The following DENND2B variants were observed in gnomAD, a reference collection of about 807,000 sequenced individuals.
DENND2B encodes DENN domain containing 2B.
In DENND2B, 32 loss-of-function variants were observed where a neutral mutation model predicts 116.0. The ratio of observed to expected loss-of-function variants is 0.28; its 90% CI spans 0.21 to 0.37. The LOEUF (loss-of-function observed/expected upper bound fraction) is 0.37. Among genes scored for constraint, DENND2B ranks in the 10% least tolerant of loss-of-function variants. The pLI is 1.00. For synonymous variants in DENND2B, 588 were observed against 583.9 expected (o/e 1.01, Z -0.10); for missense variants, 1,276 against 1,477.7 (o/e 0.86, Z 2.24).
At chr11:8,749,948 G>C (rs1211973177) in intron 2 of DENND2B, among the ~76,000 whole-genome samples, 1 of 152,196 alleles carries the variant, frequency 6.6e-6, no homozygotes, top group Non-Finnish European at 1.5e-5. Context: ...TGGAAGCTTT[G>C]ATCTCATCCT....
upstream of DENND2B, among the ~76,000 whole-genome samples, chr11:8,874,405 G>A (rs781504358): frequency 6.6e-6 from 1 of 152,202 alleles, no homozygotes; most frequent in Non-Finnish European, 1.5e-5. Context: ...TCACAAAGAT[G>A]AGCTTTACTT....
intron 2 of DENND2B, among the ~76,000 whole-genome samples, chr11:8,858,749 C>G (rs117507183): frequency 6.6e-6 from 1 of 152,162 alleles, no homozygotes; most frequent in Admixed American, 6.5e-5. Context: ...CTGAACCAGT[C>G]GAGGGCTTGG....
intron 2 of DENND2B, among the ~76,000 whole-genome samples, chr11:8,738,069 T>C (rs958155113): frequency 1.3e-5 from 2 of 152,132 alleles, no homozygotes; most frequent in African/African-American, 4.8e-5. Context: ...ATTGGAATGA[T>C]CCAGTAGAGA....
chr11:8,883,861 A>G (rs573507151), intron 1 of DENND2B, among the ~76,000 whole-genome samples: 16 of 152,360 alleles, frequency 1.1e-4, no homozygotes, highest in African/African-American at 3.6e-4. Context: ...CAAACTTTAG[A>G]TTAATAGAAA....
At chr11:8,853,510 T>C (rs1566053603) in intron 3 of DENND2B, among the ~76,000 whole-genome samples, 1 of 152,202 alleles carries the variant, frequency 6.6e-6, no homozygotes, top group South Asian at 2.1e-4. Flanking sequence ...GTTCCAGAAC[T>C]GTGAGCAATA....
chr11:8,798,096 C>A (rs1336390109), intron 1 of DENND2B, among the ~76,000 whole-genome samples: 3 of 152,162 alleles, frequency 2.0e-5, no homozygotes, highest in Non-Finnish European at 4.4e-5. Flanking sequence ...CCATTATATC[C>A]TTCCGAGCTC....
rs33975736 is a variant in DENND2B at position 8,698,137 on chromosome 11, C to CAAAAAAAAAA, written c.2941-511_2941-502dup. 3.3e-3 allele frequency among the ~76,000 whole-genome samples: 132 copies of CAAAAAAAAAA among 39,800 alleles called. 11 individuals carry two copies. The highest frequency in any genetic ancestry group is 5.4e-3 in the Non-Finnish European group (110 of 20,520). The allele number at this position is 39,800 out of a possible 152,430, so 26.1% of individuals were successfully genotyped here. The stretch of plus-strand genomic sequence containing the variant: ...CTGGATGACAGTGAGACCCTGTCTC[C>CAAAAAAAAAA]AAAAAAAAAAAAAAAAAAAAAAAAA... On this transcript the variant is annotated intron_variant, in intron 16 of 19. Transcript: ENST00000313726.
intron 3 of DENND2B, among the ~76,000 whole-genome samples, chr11:8,853,347 G>A (rs965560011): frequency 6.6e-5 from 10 of 152,212 alleles, no homozygotes; most frequent in African/African-American, 2.2e-4. Flanking sequence ...TGGGCGACAA[G>A]AGCACAAAAC....
chr11:8,727,955 T>A (rs1480329081), intron 3 of DENND2B, among the ~76,000 whole-genome samples: 7 of 140,554 alleles, frequency 5.0e-5, no homozygotes, highest in African/African-American at 1.9e-4. Flanking sequence ...TTGGCTTGCA[T>A]TTTACACAAA....
At chr11:8,732,230 A>G (rs1434933622) in intron 2 of DENND2B, among the ~76,000 whole-genome samples, 2 of 152,242 alleles carry the variant, frequency 1.3e-5, no homozygotes, top group Admixed American at 1.3e-4. Flanking sequence ...TGGCAACTAC[A>G]AGGAACACTT....
intron 1 of DENND2B, among the ~76,000 whole-genome samples, chr11:8,803,646 T>C (rs200561689): frequency 6.6e-6 from 1 of 152,218 alleles, no homozygotes; most frequent in East Asian, 1.9e-4. Flanking sequence ...CATATTTGTG[T>C]CTACAACTAA....
intron 1 of DENND2B, among the ~76,000 whole-genome samples, chr11:8,786,481 A>C (rs2134296083): frequency 6.6e-6 from 1 of 152,330 alleles, no homozygotes; most frequent in East Asian, 1.9e-4. Context: ...GTTGACTGCC[A>C]AGGAGAAGGC....
Position 8,695,560 on chromosome 11 carries a change from G to C in DENND2B, c.3293-11C>G, listed in dbSNP as rs978654813. ...GCTGCTCAAAAAGGCCTGGGTAAAA[G>C]AAACAGGCACAGGGAAGAGAACAGT... On this transcript the variant is annotated splice_polypyrimidine_tract_variant and intron_variant, in intron 18 of 19. Coordinates refer to ENST00000313726, the MANE Select transcript of DENND2B (RefSeq NM_213618.2). 1 of 1,612,992 alleles carries C rather than the reference G, an allele frequency of 6.2e-7. No homozygotes were observed. The highest frequency in any genetic ancestry group is 8.5e-7 in the Non-Finnish European group (1 of 1,179,300).
intron 9 of DENND2B, chr11:8,711,780 T>A (rs2043744783): frequency 7.2e-6 from 2 of 276,422 alleles, no homozygotes; most frequent in Admixed American, 8.2e-5. Context: ...GGCAGGAGAA[T>A]CGCTTGAACC....
chr11:8,825,079 A>G (rs1367600498), intron 4 of DENND2B, among the ~76,000 whole-genome samples: 1 of 152,098 alleles, frequency 6.6e-6, no homozygotes, highest in Non-Finnish European at 1.5e-5. Flanking sequence ...TTCTGTTTTT[A>G]GGTCTTTGAG....
At chr11:8,756,200 G>A (rs981820723) in intron 1 of DENND2B, among the ~76,000 whole-genome samples, 5 of 151,740 alleles carry the variant, frequency 3.3e-5, no homozygotes, top group Non-Finnish European at 7.4e-5. Context: ...ACTGAAACAT[G>A]TTAAAAAAAC....
intron 4 of DENND2B, among the ~76,000 whole-genome samples, chr11:8,836,083 C>A (rs1023887458): frequency 1.3e-5 from 2 of 151,408 alleles, no homozygotes; most frequent in African/African-American, 4.9e-5. Flanking sequence ...GATGGTGACT[C>A]ATGCCTGTAA....
chr11:8,698,874 T>C, intron 16 of DENND2B, 59 bp downstream of exon 16: 1 of 1,585,256 alleles, frequency 6.3e-7, no homozygotes, highest in Non-Finnish European at 8.7e-7. Flanking sequence ...GGTTGAGTAG[T>C]GTGTGTGATG....
chr11:8,699,091 G>T, intron 15 of DENND2B, 117 bp from the exon 16 acceptor site: 1 of 1,532,682 alleles, frequency 6.5e-7, no homozygotes. Flanking sequence ...CTCCAGCCGG[G>T]GATAGACCTC....
Sources: gnomAD v4.1 joint callset for allele counts (sites outside exome capture counted in the v4.1 genomes callset) on GRCh38, gnomAD v4.1.1 for gene constraint, MANE v1.5 for transcripts, NCBI Gene and HGNC (gene_info 2026-07-23, HGNC 2026-07-21) for gene names.